PDCL3: variants seen among roughly 807,000 people sequenced by gnomAD.
The protein encoded by PDCL3 is phosducin-like protein 3.
Under a neutral mutation model 26.5 loss-of-function variants are expected in PDCL3, and 22 were observed. That is an observed-to-expected ratio of 0.83 (90% CI 0.59 to 1.19). The LOEUF is 1.19. PDCL3 is among the 50% of genes most tolerant of loss of function. The probability of loss-of-function intolerance (pLI) is 0.00; values close to 1 mark genes in which losing one functional copy is unlikely to be tolerated. For missense variants in PDCL3, 246 were observed against 294.1 expected, an observed-to-expected ratio of 0.84 and a Z score of 1.20; for synonymous variants, 81 against 104.9, an observed-to-expected ratio of 0.77 and a Z score of 1.39.
At chr2:100,573,658 C>T (rs796223958) in intron 5 of PDCL3, among the ~76,000 whole-genome samples, 11 of 133,032 alleles carry the variant, frequency 8.3e-5, no homozygotes, top group East Asian at 4.2e-4. Flanking sequence ...GGGTAACGAG[C>T]GAAACTCTAT....
In PDCL3 at chr2:100,576,542, C is replaced by T. The variant is rs1375197060; in HGVS notation, c.*46C>T. 2.0e-6 allele frequency: 3 copies of T among 1,473,080 alleles called. No homozygotes were observed. In the African/African-American group the frequency reaches 4.3e-5, roughly 21 times the overall value. 91.3% of individuals were successfully genotyped at this position (1,473,080 alleles called of 1,614,324 possible). A position where few individuals can be genotyped will look rare whatever the true frequency, so the allele number is the denominator to read the frequency against. On this transcript the variant is annotated 3_prime_UTR_variant, in exon 6 of 6. Coordinates refer to ENST00000264254, the MANE Select transcript of PDCL3 (RefSeq NM_024065.5). ...GCCGAACTTTCTTGTGACAAATTGT[C>T]TGGATTTTTTAAAAAAGGAAAAAGC...
intron 1 of PDCL3, among the ~76,000 whole-genome samples, chr2:100,564,417 C>G (rs1325742331): frequency 2.0e-5 from 3 of 152,170 alleles, no homozygotes; most frequent in Non-Finnish European, 4.4e-5. Flanking sequence ...CTGCCTCAGC[C>G]TCCTGAGTAG....
At chr2:100,565,127 C>T (rs1675035653) in intron 1 of PDCL3, among the ~76,000 whole-genome samples, 1 of 152,136 alleles carries the variant, frequency 6.6e-6, no homozygotes, top group South Asian at 2.1e-4. Context: ...GGGCGTGCAC[C>T]TGGCTAATTT....
intron 2 of PDCL3, 131 bp downstream of exon 2, chr2:100,566,760 C>T: frequency 7.6e-7 from 1 of 1,318,078 alleles, no homozygotes; most frequent in Middle Eastern, 2.1e-4. Context: ...TCAGACAAAA[C>T]ACAGGGCGTC....
chr2:100,576,325 A>G, intron 5 of PDCL3, 29 bp from the exon 6 acceptor site: 1 of 1,611,920 alleles, frequency 6.2e-7, no homozygotes, highest in Non-Finnish European at 8.5e-7. Context: ...ACAGTGCCTT[A>G]GGCAATTTGC....
At chr2:100,576,037 A>G (rs2970997) in intron 5 of PDCL3, among the ~76,000 whole-genome samples, 91,529 of 151,916 alleles carry the variant, frequency 0.6, 28,063 homozygotes, top group East Asian at 0.97. Context: ...TGGGATTATA[A>G]GCACACACCA....
At position 100,566,506 on chromosome 2, in the gene PDCL3, C is replaced by T; in HGVS notation, c.10C>T (p.Pro4Ser). 3 of 1,612,110 alleles carry T rather than the reference C, an allele frequency of 1.9e-6. No individual in the cohort carries two copies. Among genetic ancestry groups the T allele is most frequent in the African/African-American group, 2.7e-5 (2 of 74,966 alleles). Residue 4 changes from proline to serine, a missense_variant, in exon 2 of 6, where the codon CCC (proline) becomes TCC (serine). Physicochemically the swap from Pro to Ser is moderately conservative, Grantham distance 74. Coordinates refer to ENST00000264254, the MANE Select transcript of PDCL3 (RefSeq NM_024065.5). ...AACCTTGGTCCCGCTCTTCTAGGAC[C>T]CCAACGCAGACACTGAATGGAATGA... is the stretch of plus-strand genomic sequence containing the variant. MQDPNADTEWNDIL... is the reference protein window; with the variant it reads MQDSNADTEWNDIL...
intron 1 of PDCL3, chr2:100,563,279 G>A (rs1378337816): frequency 1.9e-6 from 1 of 531,548 alleles, no homozygotes; most frequent in African/African-American, 2.0e-5. Context: ...CCCCGCCTCG[G>A]TGTGCCGGGT....
chr2:100,575,371 G>T (rs940270677), intron 5 of PDCL3, among the ~76,000 whole-genome samples: 3 of 152,120 alleles, frequency 2.0e-5, no homozygotes, highest in African/African-American at 4.8e-5. Context: ...TCCAGACTTC[G>T]TGATCCGCCC....
chr2:100,566,654 A>G, intron 2 of PDCL3, 25 bp downstream of exon 2: 1 of 1,612,806 alleles, frequency 6.2e-7, no homozygotes, highest in Non-Finnish European at 8.5e-7. Flanking sequence ...TTTCCTCTGC[A>G]CCTGTCTGGG....
chr2:100,571,133 T>A (rs1390298367), intron 4 of PDCL3, among the ~76,000 whole-genome samples: 5 of 92,098 alleles, frequency 5.4e-5, no homozygotes, highest in Admixed American at 1.1e-4. Context: ...AAAAAAAAAA[T>A]CAGCTGGGCA....
chr2:100,569,774 C>T, intron 4 of PDCL3, 53 bp downstream of exon 4: 1 of 1,575,546 alleles, frequency 6.3e-7, no homozygotes, highest in Non-Finnish European at 8.6e-7. Flanking sequence ...TTTATGTCTT[C>T]AGGATCTCAG....
chr2:100,571,950 T>C (rs1675185769), intron 5 of PDCL3, 152 bp downstream of exon 5: 3 of 702,592 alleles, frequency 4.3e-6, no homozygotes, highest in Non-Finnish European at 7.4e-6. Flanking sequence ...TCTCTCATCT[T>C]AGTTGCGTAA....
intron 2 of PDCL3, among the ~76,000 whole-genome samples, chr2:100,568,727 T>G (rs13422218): frequency 0.65 from 98,545 of 152,004 alleles, 33,941 homozygotes; most frequent in East Asian, 1. Context: ...TGTCAGTCAA[T>G]AAATTGGGAT....
At position 100,576,551 on chromosome 2, in the gene PDCL3, T is replaced by C. The variant is rs1675291375; in HGVS notation, c.*55T>C. 3 of 1,462,590 alleles carry C rather than the reference T, an allele frequency of 2.1e-6. No individual in the cohort carries two copies. The highest frequency in any genetic ancestry group is 2.7e-6 in the Non-Finnish European group (3 of 1,101,798). 90.6% of individuals were successfully genotyped at this position (1,462,590 alleles called of 1,614,324 possible). A position where few individuals can be genotyped will look rare whatever the true frequency, so the allele number is the denominator to read the frequency against. ...TCTTGTGACAAATTGTCTGGATTTTTTAAAAAAGGAAAAAGCAAGAATGAA... is the reference window on the plus strand; with the variant it reads ...TCTTGTGACAAATTGTCTGGATTTTCTAAAAAAGGAAAAAGCAAGAATGAA... On this transcript the variant is annotated 3_prime_UTR_variant, in exon 6 of 6. Transcript: ENST00000264254.
At chr2:100,563,278 G>T (rs531330676) in intron 1 of PDCL3, 98 of 530,754 alleles carry the variant, frequency 1.8e-4, no homozygotes, top group Non-Finnish European at 3.0e-4. Context: ...TCCCCGCCTC[G>T]GTGTGCCGGG....
At chr2:100,570,434 T>G (rs938663064) in intron 4 of PDCL3, among the ~76,000 whole-genome samples, 1 of 152,068 alleles carries the variant, frequency 6.6e-6, no homozygotes, top group African/African-American at 2.4e-5. Context: ...CTCTCCAGTC[T>G]TGTCTTAAAC....
chr2:100,575,469 C>T (rs960406619), intron 5 of PDCL3, among the ~76,000 whole-genome samples: 5 of 152,294 alleles, frequency 3.3e-5, no homozygotes, highest in Admixed American at 3.3e-4. Context: ...GTCCAGTTAG[C>T]AGAACTCTCT....
Position 100,566,390 on chromosome 2 carries a change from G to A in PDCL3, c.7-113G>A, listed in dbSNP as rs888856367. 12 of 1,325,368 alleles carry A rather than the reference G, an allele frequency of 9.1e-6. No individual in the cohort carries two copies. In the Admixed American group the frequency reaches 2.5e-4, roughly 27 times the overall value. 82.1% of individuals were successfully genotyped at this position (1,325,368 alleles called of 1,614,324 possible). ...GACACTTTCTCAGAAATAGTTCACA[G>A]ACTGGTGTGCATTCCTCCCTTCCTG... On this transcript the variant is annotated intron_variant, in intron 1 of 5. Coordinates refer to ENST00000264254, the MANE Select transcript of PDCL3 (RefSeq NM_024065.5).
Sources: allele counts gnomAD v4.1 joint callset (sites outside exome capture counted in the v4.1 genomes callset), GRCh38; gene constraint gnomAD v4.1.1; transcripts MANE v1.5; gene names NCBI Gene and HGNC (gene_info 2026-07-23, HGNC 2026-07-21).